The following RIC1 variants were observed in gnomAD, a reference collection of about 807,000 sequenced individuals.
RIC1 encodes RIC1 partner of RAB6A GEF complex.
RIC1 carries 88 observed loss-of-function variants against 169.0 expected under a neutral mutation model. The observed-to-expected ratio is 0.52, with a 90% CI of 0.44 to 0.62. The LOEUF is 0.62. Among genes scored for constraint, RIC1 ranks in the 20% least tolerant of loss-of-function variants. The probability of loss-of-function intolerance (pLI) is 0.00; values close to 1 mark genes in which losing one functional copy is unlikely to be tolerated. For missense variants in RIC1, 1,877 were observed against 1,725.5 expected (o/e 1.09, Z -1.56); for synonymous variants, 790 against 601.5 (o/e 1.31, Z -4.59).
chr9:5,696,917 G>A (rs1451972014), intron 3 of RIC1, among the ~76,000 whole-genome samples: 1 of 152,164 alleles, frequency 6.6e-6, no homozygotes, highest in African/African-American at 2.4e-5. Flanking sequence ...CTTTTAGGAT[G>A]GATTTAACTG....
At chr9:5,648,909 TTGTCAGA>T (rs917115288) in intron 1 of RIC1, among the ~76,000 whole-genome samples, 33 of 152,364 alleles carry the variant, frequency 2.2e-4, no homozygotes, top group African/African-American at 7.9e-4. Context: ...TTTTAGTTTC[TTGTCAGA>T]TGCATAGTTT....
At chr9:5,649,679 T>C (rs1818699320) in intron 1 of RIC1, among the ~76,000 whole-genome samples, 1 of 152,100 alleles carries the variant, frequency 6.6e-6, no homozygotes, top group Non-Finnish European at 1.5e-5. Flanking sequence ...TAAATTTCTT[T>C]TTTATTAGAA....
At chr9:5,722,205 CTTTT>C (rs77698349) in intron 6 of RIC1, among the ~76,000 whole-genome samples, 1 of 124,794 alleles carries the variant, frequency 8.0e-6, no homozygotes, top group Non-Finnish European at 1.7e-5. Flanking sequence ...TCTTCTTCTT[CTTTT>C]TTTTTTTTTT....
intron 3 of RIC1, among the ~76,000 whole-genome samples, chr9:5,712,223 C>G (rs7466553): frequency 6.6e-6 from 1 of 152,016 alleles, no homozygotes; most frequent in Non-Finnish European, 1.5e-5. Flanking sequence ...TTCTTCACAT[C>G]CTCTCCAGCA....
intron 1 of RIC1, among the ~76,000 whole-genome samples, chr9:5,634,751 A>G (rs975644103): frequency 6.6e-6 from 1 of 151,968 alleles, no homozygotes; most frequent in African/African-American, 2.4e-5. Context: ...TGCTTTTGTC[A>G]CCTGTGCTTT....
At chr9:5,646,030 A>G (rs1818493570) in intron 1 of RIC1, among the ~76,000 whole-genome samples, 1 of 148,162 alleles carries the variant, frequency 6.7e-6, no homozygotes, top group Non-Finnish European at 1.5e-5. Context: ...AGTGTACATC[A>G]TTTTACATTC....
Position 5,718,139 on chromosome 9 carries a change from CAAAAAAAAA to C in RIC1, c.441-2024_441-2016del, listed in dbSNP as rs35477806. ...TGGGCAACAGAGCAAGACTCCGTCT[CAAAAAAAAA>C]AAAAAAAAAAAAAAAAAAGTTCAGT... is the stretch of plus-strand genomic sequence containing the variant. On this transcript the variant is annotated intron_variant, in intron 4 of 25. Coordinates refer to ENST00000414202, the MANE Select transcript of RIC1 (RefSeq NM_020829.4). Among the ~76,000 whole-genome samples the C allele has an allele frequency of 4.3e-4, 12 of 28,090 alleles. 1 individual carries two copies. The East Asian group carries it at 0.01, about 24-fold the overall frequency. 18.4% of individuals were successfully genotyped at this position (28,090 alleles called of 152,430 possible).
At chr9:5,778,133 G>C (rs186276938), downstream of RIC1, among the ~76,000 whole-genome samples, 1 of 152,098 alleles carries the variant, frequency 6.6e-6, no homozygotes, top group African/African-American at 2.4e-5. Context: ...TTTAACAGTG[G>C]ATTATAATTT....
chr9:5,720,518 T>A, intron 5 of RIC1, 96 bp from the exon 6 acceptor site: 2 of 1,294,970 alleles, frequency 1.5e-6, no homozygotes. Flanking sequence ...GGTCATTATT[T>A]TTACCCTTTT....
intron 6 of RIC1, among the ~76,000 whole-genome samples, chr9:5,731,232 C>G (rs1169944713): frequency 6.6e-6 from 1 of 151,994 alleles, no homozygotes; most frequent in Non-Finnish European, 1.5e-5. Context: ...AGAGCAGTGC[C>G]TGGTGAATGG....
intron 4 of RIC1, among the ~76,000 whole-genome samples, chr9:5,714,491 A>G (rs1823119144): frequency 6.6e-6 from 1 of 152,222 alleles, no homozygotes; most frequent in Non-Finnish European, 1.5e-5. Context: ...TTGGTAGAAA[A>G]AATCTTACCT....
chr9:5,679,501 C>T (rs1229336735), intron 2 of RIC1, among the ~76,000 whole-genome samples: 2 of 152,090 alleles, frequency 1.3e-5, no homozygotes, highest in Non-Finnish European at 2.9e-5. Flanking sequence ...TTGTTTGTAT[C>T]CTCTTTTATT....
rs374634543 is a variant in RIC1, at chr9:5,770,809, A to G, written c.3616+531A>G. On this transcript the variant is annotated intron_variant, in intron 23 of 25. Coordinates refer to ENST00000414202, the MANE Select transcript of RIC1 (RefSeq NM_020829.4). ...GCCTTAAAAGCTTGTAGTATTTACT[A>G]TCTGGTGCTTTTACAAAAAAATGTA... 1.1e-4 allele frequency among the ~76,000 whole-genome samples: 17 copies of G among 152,350 alleles called. 1 individual carries two copies. In the South Asian group the frequency reaches 1.7e-3, roughly 15 times the overall value.
At chr9:5,641,856 C>G (rs1031256853) in intron 1 of RIC1, among the ~76,000 whole-genome samples, 7 of 144,424 alleles carry the variant, frequency 4.8e-5, no homozygotes, top group Admixed American at 1.3e-4. Flanking sequence ...CTTTCCTCAA[C>G]ATAGCTATTT....
rs868419732 is a variant in RIC1 at position 5,771,324 on chromosome 9, T to C, written c.3616+1046T>C. Among the ~76,000 whole-genome samples the C allele has an allele frequency of 2.0e-5, 3 of 152,344 alleles. No individual in the cohort carries two copies. In the South Asian group the frequency reaches 6.2e-4, roughly 32 times the overall value. On this transcript the variant is annotated intron_variant, in intron 23 of 25. Transcript: ENST00000414202. ...AGGAAATCATATAGTGTTTGTCTTT[T>C]TCTGACCAGCTTATTTCACTTAGCA...
At chr9:5,630,629 C>T (rs1295355593) in intron 1 of RIC1, among the ~76,000 whole-genome samples, 2 of 152,146 alleles carry the variant, frequency 1.3e-5, no homozygotes, top group Non-Finnish European at 2.9e-5. Context: ...GACTATTTGC[C>T]ATCAAGTTTT....
intron 3 of RIC1, among the ~76,000 whole-genome samples, chr9:5,696,384 C>G (rs1821906234): frequency 1.3e-5 from 2 of 152,000 alleles, no homozygotes; most frequent in African/African-American, 4.8e-5. Context: ...GTTATTTGCT[C>G]TATTCAGTAT....
chr9:5,712,830 C>G (rs76664840), intron 3 of RIC1: 1 of 152,084 alleles, frequency 6.6e-6, no homozygotes, highest in Non-Finnish European at 1.5e-5. Flanking sequence ...TAGTTGAACA[C>G]GAACCTGTAT....
At chr9:5,702,675 A>T (rs1586978232) in intron 3 of RIC1, among the ~76,000 whole-genome samples, 1 of 152,214 alleles carries the variant, frequency 6.6e-6, no homozygotes, top group Middle Eastern at 3.4e-3. Context: ...AGTAGCTGGG[A>T]CTACAGGCAC....
Sources: gnomAD v4.1 joint callset for allele counts (sites outside exome capture counted in the v4.1 genomes callset) on GRCh38, gnomAD v4.1.1 for gene constraint, MANE v1.5 for transcripts, NCBI Gene and HGNC (gene_info 2026-07-23, HGNC 2026-07-21) for gene names.